Variants in RIT2 observed in about 807,000 individuals in gnomAD.
The protein encoded by RIT2 is GTP-binding protein Rit2.
A neutral mutation model predicts 23.7 loss-of-function variants in RIT2; 24 were observed. That is an observed-to-expected ratio of 1.01 (90% confidence interval 0.73 to 1.43). RIT2 has a LOEUF of 1.43. Among genes scored for constraint, RIT2 ranks in the 40% most tolerant of loss-of-function variants. RIT2 has a pLI of 0.00. For missense variants in RIT2, 236 were observed against 266.9 expected, an observed-to-expected ratio of 0.88 and a Z score of 0.81; for synonymous variants, 107 against 91.1, an observed-to-expected ratio of 1.17 and a Z score of -0.99.
intron 4 of RIT2, among the ~76,000 whole-genome samples, chr18:42,843,157 T>G (rs2144026465): frequency 6.6e-6 from 1 of 152,300 alleles, no homozygotes; most frequent in East Asian, 1.9e-4. Flanking sequence ...AACACTCACC[T>G]CACATAGAAT....
intron 4 of RIT2, among the ~76,000 whole-genome samples, chr18:42,797,454 A>G (rs1470573747): frequency 6.6e-6 from 1 of 152,242 alleles, no homozygotes; most frequent in African/African-American, 2.4e-5. Flanking sequence ...AGACTCAAAA[A>G]AAATCAAATT....
intron 4 of RIT2, among the ~76,000 whole-genome samples, chr18:42,865,783 G>A (rs570179268): frequency 1.2e-4 from 19 of 152,062 alleles, no homozygotes; most frequent in African/African-American, 4.1e-4. Context: ...AGCCTCCCCC[G>A]CCATTCCCCA....
chr18:42,813,252 A>T (rs551492190), intron 4 of RIT2, among the ~76,000 whole-genome samples: 1 of 152,336 alleles, frequency 6.6e-6, no homozygotes, highest in East Asian at 1.9e-4. Context: ...TAAAATAAAC[A>T]TCATTGGTTG....
At chr18:42,931,450 G>A (rs989920630) in intron 3 of RIT2, among the ~76,000 whole-genome samples, 1 of 152,032 alleles carries the variant, frequency 6.6e-6, no homozygotes, top group Admixed American at 6.6e-5. Flanking sequence ...TCATTCTCTA[G>A]CATTAGTCAT....
At chr18:42,975,705 T>C (rs1440023386) in intron 2 of RIT2, among the ~76,000 whole-genome samples, 2 of 152,030 alleles carry the variant, frequency 1.3e-5, no homozygotes, top group East Asian at 3.9e-4. Flanking sequence ...AAAATCTTCA[T>C]CCTTGGTCTG....
intron 4 of RIT2, among the ~76,000 whole-genome samples, chr18:42,843,095 T>A (rs1391927785): frequency 1.3e-5 from 2 of 152,208 alleles, no homozygotes; most frequent in Non-Finnish European, 2.9e-5. Flanking sequence ...TGGGCAAGAA[T>A]GTGAAGTCTT....
intron 4 of RIT2, among the ~76,000 whole-genome samples, chr18:42,802,244 T>G (rs1054226724): frequency 6.6e-6 from 1 of 152,164 alleles, no homozygotes; most frequent in Non-Finnish European, 1.5e-5. Context: ...CCAAGATGCT[T>G]GAGATTTTTA....
intron 4 of RIT2, among the ~76,000 whole-genome samples, chr18:42,797,759 G>A (rs982323310): frequency 6.6e-6 from 1 of 152,172 alleles, no homozygotes; most frequent in Non-Finnish European, 1.5e-5. Context: ...TGGATAGAAA[G>A]CATGGAAAAC....
chr18:42,859,668 T>C (rs1462531070), intron 4 of RIT2, among the ~76,000 whole-genome samples: 2 of 152,228 alleles, frequency 1.3e-5, no homozygotes, highest in African/African-American at 2.4e-5. Context: ...ACGTGTTCTT[T>C]CAAGAATTTT....
intron 2 of RIT2, among the ~76,000 whole-genome samples, chr18:43,004,325 C>T (rs1375817234): frequency 6.6e-6 from 1 of 151,876 alleles, no homozygotes; most frequent in Non-Finnish European, 1.5e-5. Context: ...GTTCTCCCTA[C>T]TCTGCTTAGA....
At chr18:42,904,809 A>G (rs1434848889) in intron 4 of RIT2, among the ~76,000 whole-genome samples, 23 of 152,178 alleles carry the variant, frequency 1.5e-4, no homozygotes, top group Admixed American at 1.5e-3. Flanking sequence ...ACATAAATAG[A>G]CAATACACAG....
At chr18:42,836,676 G>T (rs1024524617) in intron 4 of RIT2, among the ~76,000 whole-genome samples, 1 of 152,098 alleles carries the variant, frequency 6.6e-6, no homozygotes, top group Non-Finnish European at 1.5e-5. Flanking sequence ...GAAGAAAAAT[G>T]CCACCAGCTA....
intron 4 of RIT2, among the ~76,000 whole-genome samples, chr18:42,805,062 A>C (rs1905646224): frequency 1.3e-5 from 2 of 152,224 alleles, no homozygotes; most frequent in Admixed American, 1.3e-4. Flanking sequence ...CTAAAGACCA[A>C]GATTCTAGAC....
intron 4 of RIT2, among the ~76,000 whole-genome samples, chr18:42,870,067 C>G (rs1429451221): frequency 6.6e-6 from 1 of 152,178 alleles, no homozygotes; most frequent in African/African-American, 2.4e-5. Flanking sequence ...CAAACACACA[C>G]TAACCTAACT....
At chr18:42,779,078 GT>G (rs1302951597) in intron 4 of RIT2, among the ~76,000 whole-genome samples, 5 of 152,070 alleles carry the variant, frequency 3.3e-5, no homozygotes, top group Non-Finnish European at 7.4e-5. Flanking sequence ...AATAAATTTA[GT>G]GAAGATACCA....
intron 3 of RIT2, among the ~76,000 whole-genome samples, chr18:42,929,809 A>G (rs566765042): frequency 6.6e-6 from 1 of 152,264 alleles, no homozygotes; most frequent in African/African-American, 2.4e-5. Flanking sequence ...AGCACAAAAT[A>G]ACAGCCAGGA....
At chr18:43,000,982 T>C (rs1000701924) in intron 2 of RIT2, among the ~76,000 whole-genome samples, 1 of 152,078 alleles carries the variant, frequency 6.6e-6, no homozygotes, top group African/African-American at 2.4e-5. Flanking sequence ...AGCAGAAATA[T>C]CTGCATTTAT....
At chr18:43,061,029 C>T (rs1041734835) in intron 1 of RIT2, among the ~76,000 whole-genome samples, 2 of 151,976 alleles carry the variant, frequency 1.3e-5, no homozygotes, top group African/African-American at 4.8e-5. Flanking sequence ...ATCCCTGTGA[C>T]CAAGATATTG....
chr18:42,781,037 T>A (rs1913800495), intron 4 of RIT2, among the ~76,000 whole-genome samples: 1 of 152,158 alleles, frequency 6.6e-6, no homozygotes, highest in African/African-American at 2.4e-5. Flanking sequence ...AGTGAAACTT[T>A]AAGCACTATA....
Sources: gnomAD v4.1 joint callset for allele counts (sites outside exome capture counted in the v4.1 genomes callset) on GRCh38, gnomAD v4.1.1 for gene constraint, MANE v1.5 for transcripts, NCBI Gene and HGNC (gene_info 2026-07-23, HGNC 2026-07-21) for gene names.